Variants in GRIN2A observed in about 807,000 individuals in gnomAD.
The protein encoded by GRIN2A is glutamate ionotropic receptor NMDA type subunit 2A, also known as glutamate receptor ionotropic, NMDA 2A.
Under a neutral mutation model 113.4 loss-of-function variants are expected in GRIN2A, and 22 were observed. That is an observed-to-expected ratio of 0.19 (90% CI 0.14 to 0.28). GRIN2A has a LOEUF of 0.28. Ranked by LOEUF, GRIN2A falls within the 10% of genes least tolerant of loss-of-function variation. The probability of loss-of-function intolerance (pLI) is 1.00; values close to 1 mark genes in which losing one functional copy is unlikely to be tolerated. For synonymous variants in GRIN2A, 827 were observed against 738.4 expected (o/e 1.12, Z -1.94); for missense variants, 1,502 against 1,887.0 (o/e 0.80, Z 3.78).
At chr16:9,998,861 A>G (rs1457711261) in intron 2 of GRIN2A, among the ~76,000 whole-genome samples, 1 of 151,970 alleles carries the variant, frequency 6.6e-6, no homozygotes, top group Non-Finnish European at 1.5e-5. Flanking sequence ...GTCATGTATC[A>G]GTTTCAATTA....
chr16:10,105,171 A>G (rs2142122879), intron 2 of GRIN2A, among the ~76,000 whole-genome samples: 1 of 151,914 alleles, frequency 6.6e-6, no homozygotes, highest in South Asian at 2.1e-4. Flanking sequence ...AGCCTGGGGA[A>G]GCCAGAAGGC....
chr16:9,847,933 AT>A (rs2141363884), intron 5 of GRIN2A, among the ~76,000 whole-genome samples: 1 of 146,508 alleles, frequency 6.8e-6, no homozygotes, highest in African/African-American at 2.5e-5. Flanking sequence ...TTATATATAT[AT>A]AAAAATATAT....
chr16:10,093,641 T>C (rs2048228881), intron 2 of GRIN2A, among the ~76,000 whole-genome samples: 3 of 152,192 alleles, frequency 2.0e-5, no homozygotes, highest in Non-Finnish European at 4.4e-5. Flanking sequence ...AAAAAACCTT[T>C]TGCAGTAGAT....
chr16:9,844,281 A>G (rs967172809), intron 5 of GRIN2A, among the ~76,000 whole-genome samples: 3 of 152,220 alleles, frequency 2.0e-5, no homozygotes, highest in Admixed American at 1.3e-4. Flanking sequence ...CAAATGATCA[A>G]TGACGCATTT....
chr16:9,872,380 C>G (rs2043281296), intron 4 of GRIN2A, among the ~76,000 whole-genome samples: 1 of 152,174 alleles, frequency 6.6e-6, no homozygotes, highest in Non-Finnish European at 1.5e-5. Context: ...CTCTCTTTGT[C>G]TACGTAGACT....
rs556029793 is a variant in GRIN2A at position 9,788,003 on chromosome 16, G to C, written c.2356+10274C>G. Among the ~76,000 whole-genome samples, 4 of 152,312 alleles carry C rather than the reference G, an allele frequency of 2.6e-5. No homozygotes were observed. The East Asian group carries it at 7.7e-4, about 29-fold the overall frequency. On this transcript the variant is annotated intron_variant, in intron 11 of 12. Coordinates refer to ENST00000330684, the MANE Select transcript of GRIN2A (RefSeq NM_001134407.3). ...TGAGTCATCTGGTGGTCTGTGCCTTGTACCAACACACCGGAGCCGAGGAGA... is the reference window on the plus strand; with the variant it reads ...TGAGTCATCTGGTGGTCTGTGCCTTCTACCAACACACCGGAGCCGAGGAGA...
At chr16:10,055,047 CAAAAAAAAAAAAA>C (rs71133304) in intron 2 of GRIN2A, among the ~76,000 whole-genome samples, 1 of 10,398 alleles carries the variant, frequency 9.6e-5, no homozygotes, top group South Asian at 8.8e-3. Flanking sequence ...GACTCTATCT[CAAAAAAAAAAAAA>C]AAAAAAAAAA....
At chr16:10,075,238 T>C (rs1389245131) in intron 2 of GRIN2A, among the ~76,000 whole-genome samples, 2 of 152,088 alleles carry the variant, frequency 1.3e-5, no homozygotes, top group Non-Finnish European at 2.9e-5. Flanking sequence ...TCCTCCTCCC[T>C]CCTTCCCTTT....
intron 4 of GRIN2A, among the ~76,000 whole-genome samples, chr16:9,860,252 TC>T (rs1267260620): frequency 2.0e-5 from 3 of 151,634 alleles, no homozygotes; most frequent in Non-Finnish European, 4.4e-5. Flanking sequence ...GATCAGGAGT[TC>T]CAGATCAGCC....
chr16:9,878,536 G>A (rs989899490), intron 4 of GRIN2A, among the ~76,000 whole-genome samples: 1 of 152,114 alleles, frequency 6.6e-6, no homozygotes, highest in Non-Finnish European at 1.5e-5. Context: ...TCTGCATGGT[G>A]TCTGACACAC....
chr16:9,910,407 A>G (rs11864265), intron 3 of GRIN2A, among the ~76,000 whole-genome samples: 2 of 152,116 alleles, frequency 1.3e-5, no homozygotes, highest in African/African-American at 2.4e-5. Context: ...AATGAAAGTA[A>G]CAAAGAAAGC....
intron 2 of GRIN2A, among the ~76,000 whole-genome samples, chr16:10,053,520 T>C (rs1026374027): frequency 6.6e-6 from 1 of 152,216 alleles, no homozygotes; most frequent in Non-Finnish European, 1.5e-5. Context: ...TTAAGGACTG[T>C]GAGTGACGAA....
intron 5 of GRIN2A, among the ~76,000 whole-genome samples, chr16:9,847,177 G>A (rs774712749): frequency 6.6e-6 from 1 of 152,170 alleles, no homozygotes; most frequent in Middle Eastern, 3.4e-3. Flanking sequence ...CATAGATCTG[G>A]GATCTATAAA....
chr16:9,818,102 T>C (rs1206689012), intron 10 of GRIN2A, among the ~76,000 whole-genome samples: 1 of 151,878 alleles, frequency 6.6e-6, no homozygotes, highest in Non-Finnish European at 1.5e-5. Context: ...ATATATTTCA[T>C]AATGAAAATT....
At chr16:9,775,242 C>G (rs1187438335) in intron 11 of GRIN2A, among the ~76,000 whole-genome samples, 1 of 152,060 alleles carries the variant, frequency 6.6e-6, no homozygotes, top group Non-Finnish European at 1.5e-5. Context: ...AGCACCTGAC[C>G]CAAGGCAGTG....
At chr16:10,104,025 C>A (rs1219705296) in intron 2 of GRIN2A, among the ~76,000 whole-genome samples, 1 of 152,174 alleles carries the variant, frequency 6.6e-6, no homozygotes, top group Non-Finnish European at 1.5e-5. Flanking sequence ...TATCAATGTC[C>A]TTCTTAAAAT....
At chr16:9,845,407 T>C (rs1008554430) in intron 5 of GRIN2A, among the ~76,000 whole-genome samples, 1 of 152,170 alleles carries the variant, frequency 6.6e-6, no homozygotes, top group Non-Finnish European at 1.5e-5. Context: ...GGGGCCTCAG[T>C]TGATTGCCCT....
intron 3 of GRIN2A, among the ~76,000 whole-genome samples, chr16:9,930,260 C>T (rs942517620): frequency 6.6e-6 from 1 of 152,136 alleles, no homozygotes; most frequent in African/African-American, 2.4e-5. Context: ...CTTGACTAAG[C>T]ACAATACCTG....
intron 2 of GRIN2A, among the ~76,000 whole-genome samples, chr16:10,121,086 C>T (rs1479678121): frequency 2.0e-5 from 3 of 152,160 alleles, no homozygotes; most frequent in Non-Finnish European, 4.4e-5. Context: ...TTTCATCGGT[C>T]CAACACTCTT....
Sources: allele counts gnomAD v4.1 joint callset (sites outside exome capture counted in the v4.1 genomes callset), GRCh38; gene constraint gnomAD v4.1.1; transcripts MANE v1.5; gene names NCBI Gene and HGNC (gene_info 2026-07-23, HGNC 2026-07-21).